KAZN: variants seen among roughly 807,000 people sequenced by gnomAD.
KAZN encodes kazrin.
KAZN carries 40 observed loss-of-function variants against 87.4 expected under a neutral mutation model. That is an observed-to-expected ratio of 0.46 (90% confidence interval 0.36 to 0.60). KAZN has a LOEUF of 0.60. KAZN is among the 20% of genes least tolerant of loss of function. The pLI, the probability that KAZN is intolerant of heterozygous loss-of-function variation, is 0.00. For synonymous variants in KAZN, 466 were observed against 458.3 expected (o/e 1.02, Z -0.22); for missense variants, 898 against 1,073.9 (o/e 0.84, Z 2.29).
chr1:14,864,752 G>A (rs1651258943), intron 1 of KAZN, among the ~76,000 whole-genome samples: 1 of 152,114 alleles, frequency 6.6e-6, no homozygotes, highest in South Asian at 2.1e-4. Flanking sequence ...TGCATTCAGA[G>A]GACGGGCTCT....
At chr1:14,466,781 A>C (rs1176100152) in intron 2 of KAZN, among the ~76,000 whole-genome samples, 1 of 152,138 alleles carries the variant, frequency 6.6e-6, no homozygotes, top group Non-Finnish European at 1.5e-5. Flanking sequence ...ATCCTGGCTA[A>C]CACGGTGAAA....
chr1:14,147,321 G>C (rs1021190255), intron 1 of KAZN, among the ~76,000 whole-genome samples: 2 of 152,158 alleles, frequency 1.3e-5, no homozygotes, highest in African/African-American at 4.8e-5. Context: ...TAATGTTGAA[G>C]AATGCAGGCC....
At chr1:14,605,856 G>T (rs1677316662) in intron 1 of KAZN, among the ~76,000 whole-genome samples, 1 of 152,214 alleles carries the variant, frequency 6.6e-6, no homozygotes, top group African/African-American at 2.4e-5. Context: ...TCACTTGTTT[G>T]CAGTGAGATA....
intron 1 of KAZN, among the ~76,000 whole-genome samples, chr1:14,050,274 A>C (rs562169762): frequency 1.3e-5 from 2 of 152,206 alleles, no homozygotes; most frequent in Non-Finnish European, 2.9e-5. Context: ...ATGTGTTTGC[A>C]TACTATAATT....
At chr1:14,342,404 A>ATTG (rs1657798438) in intron 2 of KAZN, among the ~76,000 whole-genome samples, 1 of 152,178 alleles carries the variant, frequency 6.6e-6, no homozygotes, top group Admixed American at 6.5e-5. Context: ...CCTTTGAGGA[A>ATTG]CTGCCACACT....
At chr1:14,614,218 C>T (rs1190899573) in intron 1 of KAZN, among the ~76,000 whole-genome samples, 2 of 152,246 alleles carry the variant, frequency 1.3e-5, no homozygotes, top group Middle Eastern at 3.2e-3. Context: ...TCTCCAGCAG[C>T]ATTCAGATTT....
intron 8 of KAZN, among the ~76,000 whole-genome samples, chr1:15,084,372 G>T (rs1040146953): frequency 6.6e-6 from 1 of 152,218 alleles, no homozygotes; most frequent in South Asian, 2.1e-4. Flanking sequence ...TCAGGGCAGC[G>T]TGGGGGAAGA....
intron 1 of KAZN, among the ~76,000 whole-genome samples, chr1:14,883,341 A>AGAGAAAGAAAGAAAG (rs1553150560): frequency 6.8e-5 from 2 of 29,510 alleles, no homozygotes; most frequent in African/African-American, 9.0e-5. Context: ...AGAGAGAGAG[A>AGAGAAAGAAAGAAAG]GAAAGAAAGA....
intron 1 of KAZN, among the ~76,000 whole-genome samples, chr1:14,777,410 G>A (rs1645212546): frequency 6.6e-6 from 1 of 152,134 alleles, no homozygotes; most frequent in Non-Finnish European, 1.5e-5. Flanking sequence ...TGACCCCAGT[G>A]CCCTTGCGTA....
chr1:15,003,064 G>A (rs574150461), intron 2 of KAZN, among the ~76,000 whole-genome samples: 68 of 151,934 alleles, frequency 4.5e-4, no homozygotes, highest in Non-Finnish European at 8.4e-4. Flanking sequence ...ATCCTCAGGC[G>A]ACAGAAGGGC....
chr1:14,367,996 A>C (rs1315760670), intron 2 of KAZN, among the ~76,000 whole-genome samples: 1 of 152,186 alleles, frequency 6.6e-6, no homozygotes, highest in Admixed American at 6.5e-5. Flanking sequence ...GAGAGCTTGA[A>C]ATCTAAGTTC....
At chr1:13,969,051 A>G (rs1642043824) in intron 1 of KAZN, among the ~76,000 whole-genome samples, 1 of 152,210 alleles carries the variant, frequency 6.6e-6, no homozygotes, top group Non-Finnish European at 1.5e-5. Context: ...CTGTACATTC[A>G]TTAATTCAGC....
chr1:14,355,589 A>G (rs755149583), intron 2 of KAZN, among the ~76,000 whole-genome samples: 5 of 151,348 alleles, frequency 3.3e-5, no homozygotes, highest in African/African-American at 4.9e-5. Context: ...TAATCTCCCA[A>G]CCCCCAACAG....
intron 1 of KAZN, among the ~76,000 whole-genome samples, chr1:14,872,607 A>G (rs1441437762): frequency 6.6e-6 from 1 of 152,214 alleles, no homozygotes; most frequent in African/African-American, 2.4e-5. Flanking sequence ...AATTATTGTA[A>G]CCACTGATCT....
At chr1:14,233,361 C>T (rs2100548752) in intron 2 of KAZN, among the ~76,000 whole-genome samples, 1 of 152,196 alleles carries the variant, frequency 6.6e-6, no homozygotes, top group East Asian at 1.9e-4. Flanking sequence ...TCTTAAACTC[C>T]CAGGTTCAAG....
intron 4 of KAZN, among the ~76,000 whole-genome samples, chr1:15,055,601 T>C (rs191245888): frequency 1.3e-5 from 2 of 152,330 alleles, no homozygotes; most frequent in Admixed American, 1.3e-4. Flanking sequence ...GTGACAAAAG[T>C]CAGACAGAAC....
intron 2 of KAZN, 97 bp from the exon 3 acceptor site, chr1:15,034,652 G>A (rs1672072879): frequency 7.0e-7 from 1 of 1,423,756 alleles, no homozygotes; most frequent in African/African-American, 1.4e-5. Context: ...TTTCTCACCT[G>A]TTACAAAGGT....
At chr1:14,296,261 G>T (rs1277580290) in intron 2 of KAZN, among the ~76,000 whole-genome samples, 1 of 152,178 alleles carries the variant, frequency 6.6e-6, no homozygotes, top group Admixed American at 6.5e-5. Flanking sequence ...CTGCAGTGGT[G>T]GGTTAGGGCC....
At chr1:15,005,897 T>C (rs1320394710) in intron 2 of KAZN, among the ~76,000 whole-genome samples, 2 of 152,176 alleles carry the variant, frequency 1.3e-5, no homozygotes, top group Admixed American at 6.5e-5. Context: ...GACAGACATC[T>C]CAGCGGGCCG....
Sources: gnomAD v4.1 joint callset for allele counts (sites outside exome capture counted in the v4.1 genomes callset) on GRCh38, gnomAD v4.1.1 for gene constraint, MANE v1.5 for transcripts, NCBI Gene and HGNC (gene_info 2026-07-23, HGNC 2026-07-21) for gene names.